The following DDO variants were observed in gnomAD, a reference collection of about 807,000 sequenced individuals.
DDO encodes the protein D-aspartate oxidase.
DDO carries 16 observed loss-of-function variants against 16.8 expected under a neutral mutation model. The observed-to-expected ratio is 0.95, with a 90% confidence interval of 0.65 to 1.45. The LOEUF (loss-of-function observed/expected upper bound fraction) is 1.45, where lower values mean the gene tolerates loss of function less well. Ranked by LOEUF, DDO falls within the 40% of genes most tolerant of loss-of-function variation. The pLI, the probability that DDO is intolerant of heterozygous loss-of-function variation, is 0.00. For missense variants in DDO, 429 were observed against 420.3 expected, an observed-to-expected ratio of 1.02 and a Z score of -0.18; for synonymous variants, 180 against 167.2, an observed-to-expected ratio of 1.08 and a Z score of -0.59.
At chr6:110,408,582 T>C in intron 2 of DDO, 140 bp from the exon 3 acceptor site, 1 of 680,512 alleles carries the variant, frequency 1.5e-6, no homozygotes, top group Non-Finnish European at 2.4e-6. Context: ...GGAACATTAA[T>C]ATAAAGTGCC....
At chr6:110,412,026 T>C (rs12200118) in intron 2 of DDO, among the ~76,000 whole-genome samples, 18,000 of 152,132 alleles carry the variant, frequency 0.12, 1,286 homozygotes, top group Middle Eastern at 0.18. Flanking sequence ...AGTGGGAGGA[T>C]TGGGAGGCCA....
At position 110,392,781 on chromosome 6, in the gene DDO, G is replaced by T. The variant is rs1773140161; in HGVS notation, c.1020C>A (p.Asn340Lys). 1 of 1,552,216 alleles carries T rather than the reference G, an allele frequency of 6.4e-7. No homozygotes were observed. The highest frequency in any genetic ancestry group is 8.7e-7 in the Non-Finnish European group (1 of 1,148,352). The change falls in exon 5 of 5, where the codon AAC (asparagine) becomes AAA (lysine). Residue 340 changes from asparagine to lysine, a missense_variant. Coordinates refer to ENST00000368924, the MANE Select transcript of DDO (RefSeq NM_001372108.2). ...HALRTPIPKSNL is the reference protein window; with the variant it reads ...HALRTPIPKSKL ...TGCTGTCATTTTATGTCATCTACAG[G>T]TTTGACTTGGGAATGGGGGTCCTGA...
chr6:110,405,787 C>T (rs76583809), intron 3 of DDO, among the ~76,000 whole-genome samples: 3,008 of 152,144 alleles, frequency 0.02, 100 homozygotes, highest in African/African-American at 0.07. Context: ...CCTGTAGTCC[C>T]AGCTATTGGG....
chr6:110,406,979 T>C (rs956327935), intron 3 of DDO, among the ~76,000 whole-genome samples: 2 of 152,248 alleles, frequency 1.3e-5, no homozygotes, highest in African/African-American at 4.8e-5. Flanking sequence ...GGCAGGACTG[T>C]GTCTTCCTTA....
At chr6:110,408,102 A>G (rs1167793781) in intron 3 of DDO, among the ~76,000 whole-genome samples, 1 of 152,136 alleles carries the variant, frequency 6.6e-6, no homozygotes, top group Non-Finnish European at 1.5e-5. Flanking sequence ...CCCAAAATCA[A>G]TCGTATTTGT....
intron 4 of DDO, among the ~76,000 whole-genome samples, chr6:110,403,335 A>G (rs1294310233): frequency 1.3e-5 from 2 of 152,154 alleles, no homozygotes; most frequent in African/African-American, 2.4e-5. Context: ...ACTAGCATCA[A>G]TGCTTCTAAT....
chr6:110,393,088 T>C lies in DDO; in HGVS notation c.713A>G (p.Gln238Arg), dbSNP rs1334889726. 1.9e-6 allele frequency: 3 copies of C among 1,613,738 alleles called. No homozygotes were observed. The highest frequency in any genetic ancestry group is 2.5e-6 in the Non-Finnish European group (3 of 1,179,598). The change falls in exon 5 of 5, where the codon CAA becomes CGA. Residue 238 changes from glutamine to arginine, a missense_variant. Coordinates refer to ENST00000368924, the MANE Select transcript of DDO (RefSeq NM_001372108.2). ...TSHVTLGGTR[Q>R]KGDWNLSPDA... ...CGGGGACAGATTCCAGTCCCCTTTT[T>C]GCCTAGTTCCACCTAGGGTTACATG...
At chr6:110,400,128 T>A (rs1773430516) in intron 4 of DDO, among the ~76,000 whole-genome samples, 1 of 152,212 alleles carries the variant, frequency 6.6e-6, no homozygotes, top group Non-Finnish European at 1.5e-5. Context: ...GTGGCAGGGT[T>A]GACCCAGGCC....
rs539644086 is a variant in DDO, at chr6:110,394,605, C to T, written c.459-1263G>A. ...GAAGGGTGTGAGTGACAGTGCCCTT[C>T]GTCAAGGGCTGACAGAGGAACTGGC... On this transcript the variant is annotated intron_variant, in intron 4 of 4. Transcript: ENST00000368924. Among the ~76,000 whole-genome samples, 36 of 152,312 alleles carry T rather than the reference C, an allele frequency of 2.4e-4. No homozygotes were observed. The Middle Eastern group carries it at 0.024, about 101-fold the overall frequency.
chr6:110,407,210 A>G (rs1393044561), intron 3 of DDO, among the ~76,000 whole-genome samples: 1 of 152,218 alleles, frequency 6.6e-6, no homozygotes, highest in Non-Finnish European at 1.5e-5. Context: ...CTTAGAGCCA[A>G]AATTTGTGAA....
At chr6:110,408,222 T>C (rs1191936822) in intron 3 of DDO, 112 bp downstream of exon 3, 2 of 955,554 alleles carry the variant, frequency 2.1e-6, no homozygotes, top group Non-Finnish European at 1.6e-6. Context: ...TCCTCCTGCA[T>C]CTAAGTCAGC....
chr6:110,393,147 G>C lies in DDO; in HGVS notation c.654C>G (p.Gly218=). 6.2e-7 allele frequency: 1 copy of C among 1,614,168 alleles called. No homozygotes were observed. Residue 218 remains glycine (G), a synonymous_variant, in exon 5 of 5, where the codon GGC becomes GGG. Coordinates refer to ENST00000368924, the MANE Select transcript of DDO (RefSeq NM_001372108.2). ...APWVEHFIRD[G]SGLTYIYPGT... ...CAGGATAAATATATGTCAGCCCACT[G>C]CCATCTCGGATAAAATGCTCCACCC...
intron 3 of DDO, among the ~76,000 whole-genome samples, chr6:110,405,587 G>T (rs1051025334): frequency 2.6e-5 from 4 of 152,216 alleles, no homozygotes; most frequent in African/African-American, 9.6e-5. Flanking sequence ...CAAATGTTTA[G>T]ATTTGTAAAT....
At chr6:110,411,599 G>A (rs1173769629) in intron 2 of DDO, among the ~76,000 whole-genome samples, 1 of 152,078 alleles carries the variant, frequency 6.6e-6, no homozygotes, top group Non-Finnish European at 1.5e-5. Flanking sequence ...CAATAGCAAG[G>A]TAAAAGATAA....
At chr6:110,398,033 T>A (rs1322738740) in intron 4 of DDO, among the ~76,000 whole-genome samples, 1 of 152,164 alleles carries the variant, frequency 6.6e-6, no homozygotes, top group Non-Finnish European at 1.5e-5. Flanking sequence ...ACAAGAAGCA[T>A]GATGACTTTC....
chr6:110,403,988 C>A (rs1338553681), intron 4 of DDO, among the ~76,000 whole-genome samples: 2 of 152,200 alleles, frequency 1.3e-5, no homozygotes, highest in Non-Finnish European at 2.9e-5. Flanking sequence ...TGGCCTACTT[C>A]AAGTCACTTT....
intron 3 of DDO, among the ~76,000 whole-genome samples, chr6:110,406,968 G>C (rs539818273): frequency 1.6e-4 from 25 of 152,248 alleles, no homozygotes; most frequent in African/African-American, 5.8e-4. Context: ...AGCTACATAA[G>C]GGCAGGACTG....
chr6:110,399,262 A>T (rs982144387), intron 4 of DDO, among the ~76,000 whole-genome samples: 11 of 152,198 alleles, frequency 7.2e-5, no homozygotes, highest in African/African-American at 2.4e-4. Flanking sequence ...GTAGCACAAA[A>T]TTTTTTTGTG....
intron 2 of DDO, among the ~76,000 whole-genome samples, chr6:110,409,549 C>T (rs537349494): frequency 1.1e-4 from 16 of 152,322 alleles, no homozygotes; most frequent in African/African-American, 3.8e-4. Flanking sequence ...TCACTGAAGT[C>T]ATGTCAGTAG....
Sources: gnomAD v4.1 joint callset for allele counts (sites outside exome capture counted in the v4.1 genomes callset) on GRCh38, gnomAD v4.1.1 for gene constraint, MANE v1.5 for transcripts, NCBI Gene and HGNC (gene_info 2026-07-23, HGNC 2026-07-21) for gene names.